The following BCL2L14 variants were observed in gnomAD, a reference collection of about 807,000 sequenced individuals.
The protein encoded by BCL2L14 is BCL2 like 14, also known as apoptosis facilitator Bcl-2-like protein 14.
A neutral mutation model predicts 35.3 loss-of-function variants in BCL2L14; 27 were observed. That is an observed-to-expected ratio of 0.76 (90% CI 0.56 to 1.05). BCL2L14 has a LOEUF of 1.05. Among genes scored for constraint, BCL2L14 ranks in the 50% least tolerant of loss-of-function variants. BCL2L14 has a pLI of 0.00. For synonymous variants in BCL2L14, 139 were observed against 145.9 expected (o/e 0.95, Z 0.34); for missense variants, 377 against 382.6 (o/e 0.99, Z 0.12).
At chr12:12,059,516 A>G (rs1189159258) in intron 2 of BCL2L14, among the ~76,000 whole-genome samples, 1 of 149,408 alleles carries the variant, frequency 6.7e-6, no homozygotes, top group Non-Finnish European at 1.5e-5. Context: ...TCCATGCCCC[A>G]ACCTCTTATA....
chr12:12,050,445 A>AAAG (rs1555084675), intron 1 of BCL2L14, among the ~76,000 whole-genome samples: 1,717 of 130,876 alleles, frequency 0.013, 42 homozygotes, highest in African/African-American at 0.047. Flanking sequence ...AAAAAAAAAA[A>AAAG]AAAAGAAAAG....
intron 3 of BCL2L14, among the ~76,000 whole-genome samples, chr12:12,087,637 G>A (rs896748063): frequency 6.6e-6 from 1 of 152,260 alleles, no homozygotes; most frequent in Admixed American, 6.5e-5. Context: ...CAGAGGGAGA[G>A]GAGGAAACAC....
At chr12:12,070,676 CAA>C (rs144776752), upstream of BCL2L14, among the ~76,000 whole-genome samples, 5 of 129,632 alleles carry the variant, frequency 3.9e-5, no homozygotes, top group Admixed American at 7.9e-5. Context: ...AACTCTGTCT[CAA>C]AAAAAAAAAA....
At chr12:12,097,007 G>A (rs1373009433) in intron 5 of BCL2L14, among the ~76,000 whole-genome samples, 2 of 152,162 alleles carry the variant, frequency 1.3e-5, no homozygotes, top group African/African-American at 4.8e-5. Flanking sequence ...AGCCGGGCAT[G>A]GTGGCAGGTG....
chr12:12,094,956 A>C (rs762588800), intron 5 of BCL2L14, 26 bp downstream of exon 5: 1 of 1,601,696 alleles, frequency 6.2e-7, no homozygotes, highest in South Asian at 1.1e-5. Context: ...TTAAAAACAA[A>C]TTTTCTCAGA....
intron 2 of BCL2L14, among the ~76,000 whole-genome samples, chr12:12,062,601 G>C (rs920726010): frequency 9.2e-5 from 14 of 151,718 alleles, no homozygotes; most frequent in Non-Finnish European, 1.9e-4. Context: ...ACCCAGGACT[G>C]GCAAATTAAC....
intron 1 of BCL2L14, chr12:12,071,578 T>C (rs928050124): frequency 6.6e-6 from 1 of 152,164 alleles, no homozygotes; most frequent in Non-Finnish European, 1.5e-5. Flanking sequence ...ATCAGAGTCC[T>C]GAGTACCTCG....
At chr12:12,053,565 C>T (rs148353389) in intron 2 of BCL2L14, among the ~76,000 whole-genome samples, 3,622 of 152,232 alleles carry the variant, frequency 0.024, 64 homozygotes, top group Non-Finnish European at 0.034. Flanking sequence ...GGGTTACAGG[C>T]ATGTGCCACC....
At chr12:12,097,101 C>T (rs553660390) in intron 5 of BCL2L14, among the ~76,000 whole-genome samples, 55 of 152,042 alleles carry the variant, frequency 3.6e-4, no homozygotes, top group Middle Eastern at 3.4e-3. Context: ...GCCAAGATCG[C>T]GCCACTGCAC....
intron 2 of BCL2L14, among the ~76,000 whole-genome samples, chr12:12,058,732 T>C (rs1948472025): frequency 6.6e-6 from 1 of 152,148 alleles, no homozygotes; most frequent in African/African-American, 2.4e-5. Flanking sequence ...TAAACAGCCA[T>C]GTTGCTCACA....
intron 1 of BCL2L14, among the ~76,000 whole-genome samples, chr12:12,072,660 A>C (rs956077978): frequency 5.3e-5 from 8 of 152,184 alleles, no homozygotes; most frequent in African/African-American, 1.9e-4. Context: ...TGTCAACATA[A>C]GCATAAAACT....
chr12:12,051,050 A>G (rs923811180), intron 1 of BCL2L14, among the ~76,000 whole-genome samples: 1 of 126,328 alleles, frequency 7.9e-6, no homozygotes, highest in African/African-American at 2.8e-5. Context: ...GACACCTCAA[A>G]TGCTTTTAGA....
intron 2 of BCL2L14, among the ~76,000 whole-genome samples, chr12:12,062,786 T>C (rs907033642): frequency 2.0e-5 from 3 of 152,210 alleles, no homozygotes; most frequent in African/African-American, 7.2e-5. Context: ...TACAGTCTGA[T>C]AACAGACGAG....
chr12:12,080,711 G>A (rs1356779704), intron 2 of BCL2L14, among the ~76,000 whole-genome samples: 1 of 151,876 alleles, frequency 6.6e-6, no homozygotes, highest in Non-Finnish European at 1.5e-5. Flanking sequence ...ATTCGCTCAG[G>A]GCCTCTGTGT....
chr12:12,096,433 G>GGA (rs1565492736), intron 5 of BCL2L14, among the ~76,000 whole-genome samples: 4 of 102,052 alleles, frequency 3.9e-5, no homozygotes, highest in African/African-American at 7.3e-5. Context: ...CCAAGAATGT[G>GGA]AAAAAAAAAA....
chr12:12,074,757 T>C (rs1305510109), intron 1 of BCL2L14, among the ~76,000 whole-genome samples: 4 of 152,212 alleles, frequency 2.6e-5, no homozygotes, highest in Admixed American at 2.6e-4. Context: ...TACTTTTTAA[T>C]GGCAATGTTA....
chr12:12,083,665 C>T (rs559081576), intron 2 of BCL2L14, among the ~76,000 whole-genome samples: 1 of 152,244 alleles, frequency 6.6e-6, no homozygotes, highest in East Asian at 1.9e-4. Flanking sequence ...CTGGGAATGG[C>T]CAGGCAGGGT....
intron 1 of BCL2L14, among the ~76,000 whole-genome samples, chr12:12,074,291 GCC>G (rs1948733118): frequency 6.6e-6 from 1 of 152,106 alleles, no homozygotes; most frequent in Non-Finnish European, 1.5e-5. Flanking sequence ...ATTCTAGAGA[GCC>G]CGGATAGCTC....
chr12:12,092,792 G>C (rs1949220116), intron 4 of BCL2L14, among the ~76,000 whole-genome samples: 1 of 152,184 alleles, frequency 6.6e-6, no homozygotes, highest in Non-Finnish European at 1.5e-5. Flanking sequence ...CTGGACGGTG[G>C]GGGTGGGCGT....
Sources: gnomAD v4.1 joint callset for allele counts (sites outside exome capture counted in the v4.1 genomes callset) on GRCh38, gnomAD v4.1.1 for gene constraint, MANE v1.5 for transcripts, NCBI Gene and HGNC (gene_info 2026-07-23, HGNC 2026-07-21) for gene names.